The following GPC6 variants were observed in gnomAD, a reference collection of about 807,000 sequenced individuals.
GPC6 encodes the protein glypican 6.
In GPC6, 14 loss-of-function variants were observed where a neutral mutation model predicts 55.2. The ratio of observed to expected loss-of-function variants is 0.25; its 90% CI spans 0.17 to 0.40. The LOEUF is 0.40. Ranked by LOEUF, GPC6 falls within the 10% of genes least tolerant of loss-of-function variation. GPC6 has a pLI of 1.00. For synonymous variants in GPC6, 278 were observed against 259.6 expected, an observed-to-expected ratio of 1.07 and a Z score of -0.68; for missense variants, 641 against 708.5, an observed-to-expected ratio of 0.90 and a Z score of 1.08.
intron 4 of GPC6, among the ~76,000 whole-genome samples, chr13:94,252,914 T>TG (rs5805855): frequency 0.016 from 2,431 of 149,504 alleles, 47 homozygotes; most frequent in East Asian, 0.071. Context: ...TAGAGTTTTC[T>TG]GGGGGAGGGG....
intron 4 of GPC6, among the ~76,000 whole-genome samples, chr13:94,047,204 G>A (rs1883765050): frequency 6.6e-6 from 1 of 152,028 alleles, no homozygotes; most frequent in Admixed American, 6.6e-5. Flanking sequence ...CAGGAAAACA[G>A]CACTAATAAT....
chr13:94,129,586 A>G (rs1304668114), intron 4 of GPC6, among the ~76,000 whole-genome samples: 3 of 152,070 alleles, frequency 2.0e-5, no homozygotes, highest in Non-Finnish European at 2.9e-5. Context: ...TTTTTGGGTA[A>G]TAGCTCCTCC....
At chr13:93,681,920 G>A (rs1392951136) in intron 2 of GPC6, among the ~76,000 whole-genome samples, 1 of 152,002 alleles carries the variant, frequency 6.6e-6, no homozygotes, top group Non-Finnish European at 1.5e-5. Context: ...ATGCATTTTT[G>A]TATTTTCTTT....
rs573579580 is a variant in GPC6 at position 93,339,445 on chromosome 13, A to G, written c.160+111829A>G. Among the ~76,000 whole-genome samples the G allele has an allele frequency of 7.3e-5, 11 of 151,142 alleles. No homozygotes were observed. In the South Asian group the frequency reaches 2.3e-3, roughly 31 times the overall value. On this transcript the variant is annotated intron_variant, in intron 1 of 8. Coordinates refer to ENST00000377047, the MANE Select transcript of GPC6 (RefSeq NM_005708.5). ...CTCATTTATTATCTTTCCCCTGAGT[A>G]TCTCAGAAGCTCCAGTCAGGTCAGC...
At chr13:93,874,199 C>A (rs895172676) in intron 3 of GPC6, among the ~76,000 whole-genome samples, 8 of 151,896 alleles carry the variant, frequency 5.3e-5, no homozygotes, top group African/African-American at 1.9e-4. Context: ...GATCCTCTCC[C>A]TCCTCCCATC....
intron 3 of GPC6, among the ~76,000 whole-genome samples, chr13:93,935,604 A>G (rs1221182097): frequency 3.9e-5 from 6 of 152,156 alleles, no homozygotes; most frequent in African/African-American, 1.2e-4. Context: ...ATTTTTTAAT[A>G]TGAAGCTATT....
intron 2 of GPC6, among the ~76,000 whole-genome samples, chr13:93,615,571 A>G (rs1328056237): frequency 6.6e-6 from 1 of 152,178 alleles, no homozygotes; most frequent in African/African-American, 2.4e-5. Flanking sequence ...TTTCACATAG[A>G]TCACGCATCA....
At chr13:93,713,394 A>T (rs1373769184) in intron 2 of GPC6, among the ~76,000 whole-genome samples, 2 of 151,684 alleles carry the variant, frequency 1.3e-5, no homozygotes, top group East Asian at 3.9e-4. Context: ...AAAATAGACA[A>T]ATTACTGCCA....
At chr13:93,427,634 A>C (rs1566351386) in intron 1 of GPC6, among the ~76,000 whole-genome samples, 1 of 152,170 alleles carries the variant, frequency 6.6e-6, no homozygotes, top group African/African-American at 2.4e-5. Flanking sequence ...TTATCACTTC[A>C]TTCTATACTA....
intron 1 of GPC6, among the ~76,000 whole-genome samples, chr13:93,489,828 A>C (rs1482962856): frequency 6.6e-6 from 1 of 151,584 alleles, no homozygotes; most frequent in Non-Finnish European, 1.5e-5. Context: ...GTATCCTGAG[A>C]CTTTGCTGGA....
intron 4 of GPC6, among the ~76,000 whole-genome samples, chr13:94,122,712 G>A (rs562948411): frequency 1.0e-3 from 158 of 152,148 alleles, no homozygotes; most frequent in African/African-American, 3.7e-3. Flanking sequence ...AGCCAGAAGA[G>A]AGCTATTTCC....
chr13:93,264,004 G>A (rs569955307), intron 1 of GPC6, among the ~76,000 whole-genome samples: 1 of 152,192 alleles, frequency 6.6e-6, no homozygotes, highest in South Asian at 2.1e-4. Context: ...CGGTATCTGT[G>A]GATGGAGTTG....
intron 6 of GPC6, among the ~76,000 whole-genome samples, chr13:94,377,622 G>A (rs1378490011): frequency 1.3e-5 from 2 of 151,282 alleles, no homozygotes; most frequent in African/African-American, 2.4e-5. Flanking sequence ...TTCAACCATT[G>A]TGGAAGTCAG....
chr13:94,374,843 G>A (rs1273180440), intron 6 of GPC6, among the ~76,000 whole-genome samples: 1 of 133,446 alleles, frequency 7.5e-6, no homozygotes, highest in South Asian at 2.7e-4. Flanking sequence ...TAAAAGAACA[G>A]AAATTATAAC....
chr13:93,764,636 A>G (rs1885057639), intron 2 of GPC6, among the ~76,000 whole-genome samples: 1 of 151,958 alleles, frequency 6.6e-6, no homozygotes, highest in South Asian at 2.1e-4. Flanking sequence ...AAGGCCACCT[A>G]TAACCATATT....
chr13:94,116,555 G>A (rs1008339577), intron 4 of GPC6, among the ~76,000 whole-genome samples: 3 of 152,008 alleles, frequency 2.0e-5, no homozygotes, highest in African/African-American at 7.2e-5. Context: ...AAAGCCCTTG[G>A]TTTCTTTCCT....
At chr13:94,357,339 T>A (rs1878847898) in intron 6 of GPC6, among the ~76,000 whole-genome samples, 1 of 152,122 alleles carries the variant, frequency 6.6e-6, no homozygotes, top group African/African-American at 2.4e-5. Flanking sequence ...AGCTCACTCT[T>A]CAAGATCAGC....
intron 3 of GPC6, among the ~76,000 whole-genome samples, chr13:93,904,394 C>T (rs1025814567): frequency 6.6e-6 from 1 of 152,078 alleles, no homozygotes; most frequent in African/African-American, 2.4e-5. Flanking sequence ...TTTACACCCC[C>T]AAGAGCTCTA....
chr13:94,037,176 A>G (rs192329671), intron 4 of GPC6, among the ~76,000 whole-genome samples: 23 of 152,116 alleles, frequency 1.5e-4, no homozygotes, highest in African/African-American at 5.1e-4. Flanking sequence ...GCTTACTTAT[A>G]AAAGGCTTCT....
Sources: gnomAD v4.1 joint callset for allele counts (sites outside exome capture counted in the v4.1 genomes callset) on GRCh38, gnomAD v4.1.1 for gene constraint, MANE v1.5 for transcripts, NCBI Gene and HGNC (gene_info 2026-07-23, HGNC 2026-07-21) for gene names.